The following GRIK4 variants were observed in gnomAD, a reference collection of about 807,000 sequenced individuals.
GRIK4 encodes glutamate ionotropic receptor kainate type subunit 4.
In GRIK4, 40 loss-of-function variants were observed where a neutral mutation model predicts 104.9. The ratio of observed to expected loss-of-function variants is 0.38; its 90% CI spans 0.30 to 0.50. GRIK4 has a LOEUF of 0.50. Among genes scored for constraint, GRIK4 ranks in the 20% least tolerant of loss-of-function variants. The pLI, the probability that GRIK4 is intolerant of heterozygous loss-of-function variation, is 0.93. For missense variants in GRIK4, 1,047 were observed against 1,308.1 expected, an observed-to-expected ratio of 0.80 and a Z score of 3.08; for synonymous variants, 485 against 524.9, an observed-to-expected ratio of 0.92 and a Z score of 1.04.
intron 1 of GRIK4, among the ~76,000 whole-genome samples, chr11:120,608,444 G>T (rs949454462): frequency 4.6e-5 from 7 of 152,208 alleles, no homozygotes; most frequent in Non-Finnish European, 1.0e-4. Flanking sequence ...AGCCCCACTG[G>T]CCACACTCTG....
At chr11:120,624,376 A>G (rs1408825043) in intron 1 of GRIK4, among the ~76,000 whole-genome samples, 1 of 151,888 alleles carries the variant, frequency 6.6e-6, no homozygotes, top group African/African-American at 2.4e-5. Flanking sequence ...CCCTCCCTGT[A>G]ACCAGATGTA....
intron 1 of GRIK4, among the ~76,000 whole-genome samples, chr11:120,550,378 T>C (rs1195152423): frequency 1.4e-5 from 2 of 143,144 alleles, no homozygotes; most frequent in Non-Finnish European, 3.0e-5. Flanking sequence ...GGTGGGGTTC[T>C]CCTTTGAGCC....
chr11:120,806,453 G>A (rs1228586560), intron 4 of GRIK4, among the ~76,000 whole-genome samples: 1 of 152,166 alleles, frequency 6.6e-6, no homozygotes, highest in Non-Finnish European at 1.5e-5. Context: ...GTGGCCCAGG[G>A]CTAATTTGCA....
At chr11:120,539,925 G>T (rs1376013884) in intron 1 of GRIK4, among the ~76,000 whole-genome samples, 1 of 152,194 alleles carries the variant, frequency 6.6e-6, no homozygotes. Flanking sequence ...GAGTTATCAC[G>T]GGGCTGGGGC....
At chr11:120,529,481 G>A (rs1947900747) in intron 1 of GRIK4, among the ~76,000 whole-genome samples, 1 of 152,226 alleles carries the variant, frequency 6.6e-6, no homozygotes, top group Admixed American at 6.5e-5. Context: ...CTGGGCACCA[G>A]TGACCACATC....
chr11:120,900,847 G>A (rs914107646), intron 12 of GRIK4, among the ~76,000 whole-genome samples: 16 of 152,316 alleles, frequency 1.1e-4, no homozygotes, highest in Middle Eastern at 3.4e-3. Flanking sequence ...GTGTGAAAAT[G>A]CCAGAAAGAT....
chr11:120,846,043 C>T (rs1455137011), intron 8 of GRIK4, among the ~76,000 whole-genome samples: 1 of 152,184 alleles, frequency 6.6e-6, no homozygotes, highest in African/African-American at 2.4e-5. Flanking sequence ...TTTTCCAAAG[C>T]TGCTAACCCT....
intron 8 of GRIK4, among the ~76,000 whole-genome samples, chr11:120,844,395 C>A (rs772224963): frequency 2.0e-5 from 3 of 152,218 alleles, no homozygotes; most frequent in Non-Finnish European, 2.9e-5. Flanking sequence ...CTACGCTAAC[C>A]TTTCCACCAG....
chr11:120,689,428 C>T (rs980101051), intron 3 of GRIK4, among the ~76,000 whole-genome samples: 5 of 152,064 alleles, frequency 3.3e-5, no homozygotes, highest in South Asian at 2.1e-4. Context: ...CCTTAGTGTG[C>T]AGTATCCCTT....
At chr11:120,896,443 G>T (rs1165054727) in intron 11 of GRIK4, among the ~76,000 whole-genome samples, 1 of 152,236 alleles carries the variant, frequency 6.6e-6, no homozygotes, top group Non-Finnish European at 1.5e-5. Flanking sequence ...GCAGAGATGG[G>T]GACAGCTGCC....
At chr11:120,921,073 C>T (rs571823182) in intron 13 of GRIK4, among the ~76,000 whole-genome samples, 4 of 152,276 alleles carry the variant, frequency 2.6e-5, no homozygotes, top group Non-Finnish European at 4.4e-5. Context: ...CTAAGCCTGG[C>T]GTCCCCTTTT....
chr11:120,670,103 A>T (rs184047364), intron 3 of GRIK4, among the ~76,000 whole-genome samples: 6 of 152,152 alleles, frequency 3.9e-5, no homozygotes, highest in Admixed American at 6.5e-5. Context: ...TGATACCCAC[A>T]TCCTCTCTAT....
At chr11:120,877,985 T>G (rs1954864517) in intron 11 of GRIK4, among the ~76,000 whole-genome samples, 1 of 152,180 alleles carries the variant, frequency 6.6e-6, no homozygotes, top group African/African-American at 2.4e-5. Flanking sequence ...TCCAAGTACC[T>G]CTTCACCTTT....
At chr11:120,695,427 T>C (rs1240590864) in intron 3 of GRIK4, among the ~76,000 whole-genome samples, 1 of 152,230 alleles carries the variant, frequency 6.6e-6, no homozygotes, top group Non-Finnish European at 1.5e-5. Context: ...ACACATTTCA[T>C]GCAGGCCCCT....
intron 1 of GRIK4, among the ~76,000 whole-genome samples, chr11:120,648,061 C>T (rs1949566447): frequency 6.6e-6 from 1 of 152,178 alleles, no homozygotes; most frequent in South Asian, 2.1e-4. Context: ...GGTGTATGTG[C>T]CCCCTCACCA....
At chr11:120,742,738 A>G (rs758888728) in intron 3 of GRIK4, among the ~76,000 whole-genome samples, 12 of 152,144 alleles carry the variant, frequency 7.9e-5, no homozygotes, top group Non-Finnish European at 1.8e-4. Context: ...CAGAATTACC[A>G]TTTTACTCAA....
intron 3 of GRIK4, among the ~76,000 whole-genome samples, chr11:120,715,389 C>G (rs1950811375): frequency 6.6e-6 from 1 of 152,038 alleles, no homozygotes; most frequent in African/African-American, 2.4e-5. Context: ...TGGGTCGTGT[C>G]TCATAAAAAC....
chr11:120,559,564 A>G (rs190246834), intron 1 of GRIK4, among the ~76,000 whole-genome samples: 3 of 152,386 alleles, frequency 2.0e-5, no homozygotes. Flanking sequence ...AAATGGATAT[A>G]AGAAAAGTAT....
At chr11:120,929,320 A>C (rs1278525032) in intron 13 of GRIK4, among the ~76,000 whole-genome samples, 1 of 152,142 alleles carries the variant, frequency 6.6e-6, no homozygotes, top group Non-Finnish European at 1.5e-5. Flanking sequence ...CTGAAGTCTA[A>C]GGGATGAGCC....
Sources: gnomAD v4.1 joint callset for allele counts (sites outside exome capture counted in the v4.1 genomes callset) on GRCh38, gnomAD v4.1.1 for gene constraint, MANE v1.5 for transcripts, NCBI Gene and HGNC (gene_info 2026-07-23, HGNC 2026-07-21) for gene names.